The following FDFT1 variants were observed in gnomAD, a reference collection of about 807,000 sequenced individuals.
FDFT1 encodes the protein farnesyl-diphosphate farnesyltransferase 1.
A neutral mutation model predicts 46.8 loss-of-function variants in FDFT1; 68 were observed. The ratio of observed to expected loss-of-function variants is 1.45; its 90% CI spans 1.19 to 1.78. The LOEUF (loss-of-function observed/expected upper bound fraction) is 1.78, where lower values mean the gene tolerates loss of function less well. Among genes scored for constraint, FDFT1 ranks in the 40% most tolerant of loss-of-function variants. The probability of loss-of-function intolerance (pLI) is 0.00; values close to 1 mark genes in which losing one functional copy is unlikely to be tolerated. For synonymous variants in FDFT1, 351 were observed against 185.1 expected (o/e 1.90, Z -7.28); for missense variants, 928 against 524.4 (o/e 1.77, Z -7.52).
At chr8:11,833,407 G>C (rs928055143) in intron 7 of FDFT1, among the ~76,000 whole-genome samples, 4 of 152,172 alleles carry the variant, frequency 2.6e-5, no homozygotes, top group Admixed American at 2.6e-4. Flanking sequence ...GCTATATTAA[G>C]CACTATTTAT....
intron 5 of FDFT1, among the ~76,000 whole-genome samples, chr8:11,827,087 A>G (rs766573772): frequency 9.2e-5 from 14 of 152,256 alleles, no homozygotes; most frequent in Non-Finnish European, 1.3e-4. Flanking sequence ...GAAGGAAAGT[A>G]GAAAATTTTA....
At position 11,830,287 on chromosome 8, in the gene FDFT1, C is replaced by G. The variant is rs202060379; in HGVS notation, c.746C>G (p.Pro249Arg). 2.0e-5 allele frequency: 32 copies of G among 1,613,854 alleles called. 1 individual carries two copies. The South Asian group carries it at 3.1e-4, about 16-fold the overall frequency. The change falls in exon 6 of 8, where the codon CCG (proline) becomes CGG (arginine). Residue 249 changes from proline (P) to arginine (R), a missense_variant. Transcript: ENST00000220584. Reference sequence around the variant, plus strand: ...AAGAAGTTAGGGGATTTTGCTAAGCCGGAGAATATTGACTTGGCCGTGCAG... The same window carrying G: ...AAGAAGTTAGGGGATTTTGCTAAGCGGGAGAATATTGACTTGGCCGTGCAG... ...YVKKLGDFAKPENIDLAVQCL... is the reference protein window; with the variant it reads ...YVKKLGDFAKRENIDLAVQCL...
At position 11,816,268 on chromosome 8, in the gene FDFT1, T is replaced by G. The variant is rs184327380; in HGVS notation, c.382-5482T>G. ...CAGTACCATGCTGTTTTGGTTACTGTAGCCTTGTAGTATAGTTTGAAGTCA... is the reference window on the plus strand; with the variant it reads ...CAGTACCATGCTGTTTTGGTTACTGGAGCCTTGTAGTATAGTTTGAAGTCA... On this transcript the variant is annotated intron_variant, in intron 3 of 7. Transcript: ENST00000220584. 2.0e-5 allele frequency among the ~76,000 whole-genome samples: 3 copies of G among 152,362 alleles called. No homozygotes were observed. The East Asian group carries it at 5.8e-4, about 29-fold the overall frequency.
intron 1 of FDFT1, among the ~76,000 whole-genome samples, chr8:11,805,673 C>T (rs1349457254): frequency 6.6e-6 from 1 of 152,192 alleles, no homozygotes; most frequent in East Asian, 1.9e-4. Context: ...GTGTTTGGCT[C>T]AGAATCACTT....
intron 3 of FDFT1, among the ~76,000 whole-genome samples, chr8:11,820,605 A>C (rs1809096743): frequency 6.6e-6 from 1 of 152,208 alleles, no homozygotes; most frequent in African/African-American, 2.4e-5. Flanking sequence ...ACCAAGCTCC[A>C]GCATCCCAGC....
In FDFT1 at chr8:11,838,495, C is replaced by T. The variant is rs981300579; in HGVS notation, c.1140C>T (p.Ser380=). 3.1e-6 allele frequency: 5 copies of T among 1,606,172 alleles called. No homozygotes were observed. Among genetic ancestry groups the T allele is most frequent in the East Asian group, 4.5e-5 (2 of 44,778 alleles). ...NLPNCQLISR[S]HYSPIYLSFV... is the part of the protein sequence containing the mutation. ...CCAACTGTCAGCTGATTTCCCGAAG[C>T]CACTACTCCCCCATCTACCTGTCGT... Residue 380 remains serine, a synonymous_variant, in exon 8 of 8, where the codon AGC becomes AGT. Transcript: ENST00000220584.
At chr8:11,809,483 A>G in intron 2 of FDFT1, 184 bp from the exon 3 acceptor site, 1 of 1,328,494 alleles carries the variant, frequency 7.5e-7, no homozygotes, top group Non-Finnish European at 9.6e-7. Context: ...GAAGTTCATT[A>G]CTCTCATGTA....
At chr8:11,802,453 G>T (rs772111806), upstream of FDFT1, 5 of 463,834 alleles carry the variant, frequency 1.1e-5, no homozygotes, top group Non-Finnish European at 2.2e-5. Flanking sequence ...GCTCCCAGCC[G>T]GGGTAAGCGG....
chr8:11,834,398 C>A (rs1442694413), intron 7 of FDFT1, among the ~76,000 whole-genome samples: 3 of 152,216 alleles, frequency 2.0e-5, no homozygotes, highest in African/African-American at 7.2e-5. Context: ...CCATTCCCCT[C>A]TCTGCCAAAG....
upstream of FDFT1, among the ~76,000 whole-genome samples, chr8:11,800,989 G>C (rs1401392115): frequency 6.6e-6 from 1 of 152,142 alleles, no homozygotes; most frequent in Admixed American, 6.6e-5. Context: ...ATAAGTAAAT[G>C]ATGTATTAGA....
chr8:11,810,480 C>T (rs750997954), intron 3 of FDFT1, among the ~76,000 whole-genome samples: 6 of 152,166 alleles, frequency 3.9e-5, no homozygotes, highest in Non-Finnish European at 7.3e-5. Flanking sequence ...TCTCCGTCTC[C>T]TCGTTTGTAA....
intron 3 of FDFT1, among the ~76,000 whole-genome samples, chr8:11,817,054 A>G (rs1488639559): frequency 6.6e-6 from 1 of 152,162 alleles, no homozygotes; most frequent in Non-Finnish European, 1.5e-5. Flanking sequence ...ATCAATATCT[A>G]GTTTACTGAG....
intron 1 of FDFT1, among the ~76,000 whole-genome samples, chr8:11,806,115 T>G (rs911331510): frequency 9.9e-5 from 15 of 152,174 alleles, no homozygotes; most frequent in African/African-American, 3.4e-4. Flanking sequence ...CTTGTGGAAC[T>G]TTCAGCCTGA....
chr8:11,799,779 C>G (rs957028225), upstream of FDFT1, among the ~76,000 whole-genome samples: 4 of 152,020 alleles, frequency 2.6e-5, no homozygotes, highest in East Asian at 1.9e-4. Context: ...AACCCTGTCT[C>G]AACTAAAAAT....
intron 1 of FDFT1, among the ~76,000 whole-genome samples, chr8:11,807,567 T>C (rs2130705970): frequency 7.0e-6 from 1 of 143,056 alleles, no homozygotes; most frequent in East Asian, 2.1e-4. Flanking sequence ...TTCCACTCCC[T>C]GTGGGCCTAA....
intron 1 of FDFT1, chr8:11,803,340 C>G: frequency 1.5e-6 from 2 of 1,291,908 alleles, no homozygotes; most frequent in East Asian, 5.5e-5. Flanking sequence ...ACATGAAGGC[C>G]GTTTCTGGAA....
chr8:11,797,492 A>G (rs1585821005), upstream of FDFT1, among the ~76,000 whole-genome samples: 1 of 149,780 alleles, frequency 6.7e-6, no homozygotes, highest in East Asian at 2.0e-4. Flanking sequence ...GTCTCCTGCC[A>G]CATTGTAGAT....
intron 3 of FDFT1, among the ~76,000 whole-genome samples, chr8:11,810,460 C>T (rs1008788266): frequency 2.0e-5 from 3 of 152,198 alleles, no homozygotes; most frequent in African/African-American, 7.2e-5. Flanking sequence ...AGTTCCTTAT[C>T]TGCTTTGTGT....
intron 7 of FDFT1, among the ~76,000 whole-genome samples, chr8:11,838,185 G>C (rs903653288): frequency 6.6e-6 from 1 of 152,202 alleles, no homozygotes; most frequent in African/African-American, 2.4e-5. Context: ...TGCTCAGGAA[G>C]ACAGGCTTTG....
Sources: gnomAD v4.1 joint callset for allele counts (sites outside exome capture counted in the v4.1 genomes callset) on GRCh38, gnomAD v4.1.1 for gene constraint, MANE v1.5 for transcripts, NCBI Gene and HGNC (gene_info 2026-07-23, HGNC 2026-07-21) for gene names.